The following TRHDE variants were observed in gnomAD, a reference collection of about 807,000 sequenced individuals.
TRHDE encodes the protein thyrotropin releasing hormone degrading enzyme, also known as thyrotropin-releasing hormone-degrading ectoenzyme.
Under a neutral mutation model 125.7 loss-of-function variants are expected in TRHDE, and 72 were observed. The observed-to-expected ratio is 0.57, with a 90% CI of 0.47 to 0.70. The LOEUF (loss-of-function observed/expected upper bound fraction) is 0.70, where lower values mean the gene tolerates loss of function less well. TRHDE is among the 30% of genes least tolerant of loss of function. TRHDE has a pLI of 0.00. For synonymous variants in TRHDE, 509 were observed against 509.1 expected (o/e 1.00, Z 0.00); for missense variants, 1,110 against 1,327.1 (o/e 0.84, Z 2.54).
chr12:72,223,924 T>C (rs1878049607), intron 2 of TRHDE, among the ~76,000 whole-genome samples: 1 of 151,886 alleles, frequency 6.6e-6, no homozygotes, highest in Non-Finnish European at 1.5e-5. Context: ...TCATTTTTCT[T>C]ACTTTTTTTT....
chr12:72,541,750 T>A (rs1237681335), intron 6 of TRHDE, among the ~76,000 whole-genome samples: 1 of 151,424 alleles, frequency 6.6e-6, no homozygotes, highest in Non-Finnish European at 1.5e-5. Context: ...AGCTGAAATA[T>A]TCTTACTGAG....
chr12:72,431,979 C>A, intron 3 of TRHDE: 1 of 187,528 alleles, frequency 5.3e-6, no homozygotes, highest in East Asian at 1.3e-4. Flanking sequence ...AGGTTTCTTT[C>A]TTCCTCCCAT....
chr12:72,643,649 C>T (rs886726131), intron 15 of TRHDE, among the ~76,000 whole-genome samples: 1 of 152,108 alleles, frequency 6.6e-6, no homozygotes, highest in African/African-American at 2.4e-5. Context: ...TGCTGAATGT[C>T]CTTTCAGAAT....
chr12:72,257,715 C>A (rs914363432), intron 2 of TRHDE: 1 of 152,116 alleles, frequency 6.6e-6, no homozygotes, highest in Admixed American at 6.5e-5. Context: ...GAATTTAGAT[C>A]TTCTAAAGTT....
chr12:72,210,374 G>A (rs1000063499), intron 2 of TRHDE, among the ~76,000 whole-genome samples: 2 of 152,074 alleles, frequency 1.3e-5, no homozygotes, highest in Non-Finnish European at 2.9e-5. Context: ...TGTTCAATGT[G>A]TCTGCTATTG....
chr12:72,372,415 T>G (rs1871646283), intron 2 of TRHDE, among the ~76,000 whole-genome samples: 1 of 152,218 alleles, frequency 6.6e-6, no homozygotes, highest in South Asian at 2.1e-4. Context: ...TTGTCAATTT[T>G]GGCTTTTGTT....
At chr12:72,336,719 G>A (rs984254851) in intron 2 of TRHDE, among the ~76,000 whole-genome samples, 2 of 152,180 alleles carry the variant, frequency 1.3e-5, no homozygotes, top group Non-Finnish European at 2.9e-5. Flanking sequence ...TGGAAGGCCA[G>A]GAGATGTGCA....
chr12:72,285,220 A>C (rs1879836884), intron 1 of TRHDE, among the ~76,000 whole-genome samples: 1 of 152,126 alleles, frequency 6.6e-6, no homozygotes, highest in Non-Finnish European at 1.5e-5. Flanking sequence ...GATTGGTAGT[A>C]GTTGCCTGAA....
At chr12:72,207,461 A>G (rs1877691377) in intron 2 of TRHDE, among the ~76,000 whole-genome samples, 1 of 152,192 alleles carries the variant, frequency 6.6e-6, no homozygotes, top group Non-Finnish European at 1.5e-5. Context: ...AAAAAGCACA[A>G]AAAAATTGCA....
Position 72,338,460 on chromosome 12 carries a change from G to A in TRHDE, c.1189-39535G>A, listed in dbSNP as rs529834751. ...GATCATTGATGGCAGAGAAAAGAAC[G>A]TATTTGAGAATCAGTGTGTGGTATA... On this transcript the variant is annotated intron_variant, in intron 2 of 18. Coordinates refer to ENST00000261180, the MANE Select transcript of TRHDE (RefSeq NM_013381.3). Among the ~76,000 whole-genome samples, 7 of 152,284 alleles carry A rather than the reference G, an allele frequency of 4.6e-5. No homozygotes were observed. The South Asian group carries it at 6.2e-4, about 14-fold the overall frequency.
chr12:72,113,458 C>A (rs1875369124), intron 2 of TRHDE, among the ~76,000 whole-genome samples: 1 of 151,742 alleles, frequency 6.6e-6, no homozygotes, highest in African/African-American at 2.4e-5. Flanking sequence ...AACCCTGTTT[C>A]TGCAAAAAAT....
intron 3 of TRHDE, among the ~76,000 whole-genome samples, chr12:72,413,891 A>G (rs766119820): frequency 4.6e-5 from 7 of 152,226 alleles, no homozygotes; most frequent in Admixed American, 2.0e-4. Flanking sequence ...TAAGGTTTTC[A>G]TTCCTTTGTT....
At chr12:72,224,146 CTATGTATGTATG>C (rs10647795) in intron 2 of TRHDE, among the ~76,000 whole-genome samples, 1 of 46,360 alleles carries the variant, frequency 2.2e-5, no homozygotes, top group Non-Finnish European at 5.3e-5. Context: ...ATCTATTTAT[CTATGTATGTATG>C]TATGTATGTA....
chr12:72,191,671 A>T (rs1240262314), intron 2 of TRHDE, among the ~76,000 whole-genome samples: 1 of 152,196 alleles, frequency 6.6e-6, no homozygotes, highest in East Asian at 1.9e-4. Context: ...TGTAATACTC[A>T]GAAACAGAGT....
intron 7 of TRHDE, among the ~76,000 whole-genome samples, chr12:72,547,096 G>A (rs1354454224): frequency 6.6e-6 from 1 of 151,446 alleles, no homozygotes. Context: ...TGACACATTT[G>A]ATCCATAAAT....
chr12:72,252,758 A>G (rs1294558471), intron 2 of TRHDE, among the ~76,000 whole-genome samples: 3 of 152,080 alleles, frequency 2.0e-5, no homozygotes, highest in African/African-American at 7.2e-5. Context: ...GAGTCTTCCA[A>G]TTTGTGACTA....
At chr12:72,616,858 A>G (rs1028426864) in intron 12 of TRHDE, among the ~76,000 whole-genome samples, 6 of 152,162 alleles carry the variant, frequency 3.9e-5, no homozygotes, top group African/African-American at 1.4e-4. Context: ...GAAGGTGAAT[A>G]TATAATCACC....
At chr12:72,416,900 AT>A (rs746648181) in intron 3 of TRHDE, among the ~76,000 whole-genome samples, 12 of 151,966 alleles carry the variant, frequency 7.9e-5, no homozygotes, top group Non-Finnish European at 1.6e-4. Context: ...CTACTTTTCT[AT>A]TTCTGTAAAG....
chr12:72,303,247 T>C (rs1868287905), intron 2 of TRHDE: 1 of 152,150 alleles, frequency 6.6e-6, no homozygotes, highest in Non-Finnish European at 1.5e-5. Flanking sequence ...AGGGGTAAGA[T>C]ATAAACATTC....
Sources: gnomAD v4.1 joint callset for allele counts (sites outside exome capture counted in the v4.1 genomes callset) on GRCh38, gnomAD v4.1.1 for gene constraint, MANE v1.5 for transcripts, NCBI Gene and HGNC (gene_info 2026-07-23, HGNC 2026-07-21) for gene names.